PRIMA1: variants seen among roughly 807,000 people sequenced by gnomAD.
The protein encoded by PRIMA1 is proline rich membrane anchor 1, also known as proline-rich membrane anchor 1.
A neutral mutation model predicts 17.5 loss-of-function variants in PRIMA1; 7 were observed. The observed-to-expected ratio is 0.40, with a 90% CI of 0.23 to 0.75. The LOEUF is 0.75. Among genes scored for constraint, PRIMA1 ranks in the 30% least tolerant of loss-of-function variants. The probability of loss-of-function intolerance (pLI) is 0.37; values close to 1 mark genes in which losing one functional copy is unlikely to be tolerated. For missense variants in PRIMA1, 200 were observed against 201.8 expected (o/e 0.99, Z 0.05); for synonymous variants, 97 against 77.9 (o/e 1.25, Z -1.29).
In PRIMA1 at chr14:93,732,946, G is replaced by A. The variant is rs182661468; in HGVS notation, c.359+4295C>T. Among the ~76,000 whole-genome samples the A allele has an allele frequency of 5.8e-3, 890 of 152,306 alleles. 7 individuals carry two copies. The highest frequency in any genetic ancestry group is 0.028 in the Admixed American group (426 of 15,306). ...GTGCCCGTCAGGCCTAGGGGTGGGA[G>A]GACACCCAGGTGCCAGGCACGGGGG... On this transcript the variant is annotated intron_variant, in intron 4 of 4. Transcript: ENST00000393140.
chr14:93,759,516 T>C (rs2076313607), intron 3 of PRIMA1, among the ~76,000 whole-genome samples: 1 of 152,002 alleles, frequency 6.6e-6, no homozygotes, highest in Non-Finnish European at 1.5e-5. Context: ...TGCATGTGTG[T>C]GTGCGTGTGT....
At chr14:93,757,164 T>A (rs1157574778) in intron 3 of PRIMA1, among the ~76,000 whole-genome samples, 1 of 150,946 alleles carries the variant, frequency 6.6e-6, no homozygotes, top group East Asian at 1.9e-4. Flanking sequence ...CACTTCCAAG[T>A]GGGGATGGAG....
chr14:93,785,916 A>T (rs573509737), intron 2 of PRIMA1, among the ~76,000 whole-genome samples: 1 of 151,806 alleles, frequency 6.6e-6, no homozygotes, highest in South Asian at 2.1e-4. Context: ...ACACACACAC[A>T]CACCCCTGCT....
rs115188033 is a variant in PRIMA1, at chr14:93,742,211, G to A, written c.230-4841C>T. 8.3e-3 allele frequency among the ~76,000 whole-genome samples: 1,267 copies of A among 152,274 alleles called. 8 individuals carry two copies. The highest frequency in any genetic ancestry group is 0.022 in the South Asian group (108 of 4,808). ...CAAAGACACTGATTTCCCAAGAGACGATGAAACAAATGAGGTGAGTCCTAC... is the reference window on the plus strand; with the variant it reads ...CAAAGACACTGATTTCCCAAGAGACAATGAAACAAATGAGGTGAGTCCTAC... On this transcript the variant is annotated intron_variant, in intron 3 of 4. Coordinates refer to ENST00000393140, the MANE Select transcript of PRIMA1 (RefSeq NM_178013.4).
At chr14:93,753,364 A>T (rs2076272207) in intron 3 of PRIMA1, among the ~76,000 whole-genome samples, 1 of 152,210 alleles carries the variant, frequency 6.6e-6, no homozygotes, top group South Asian at 2.1e-4. Context: ...CCAAGTCCAG[A>T]GACAATGGGC....
Position 93,765,510 on chromosome 14 carries a change from G to A in PRIMA1, c.229+13666C>T, listed in dbSNP as rs1367312708. ...TGGCCACCCTGTACTGGACACTATTGTAAGCACTGAACATATTATTCCTTT... is the reference window on the plus strand; with the variant it reads ...TGGCCACCCTGTACTGGACACTATTATAAGCACTGAACATATTATTCCTTT... On this transcript the variant is annotated intron_variant, in intron 3 of 4. Transcript: ENST00000393140. Among the ~76,000 whole-genome samples, 4 of 150,618 alleles carry A rather than the reference G, an allele frequency of 2.7e-5. No homozygotes were observed. The East Asian group carries it at 7.8e-4, about 29-fold the overall frequency.
Position 93,721,346 on chromosome 14 carries a change from C to T in PRIMA1, c.*98G>A, listed in dbSNP as rs2076036405. The stretch of plus-strand genomic sequence containing the variant: ...TCAGGGCCTGTGAGGCAATGAAGTC[C>T]TGGACAAGCTCAGGGTTAGCTCATG... On this transcript the variant is annotated 3_prime_UTR_variant, in exon 5 of 5. Coordinates refer to ENST00000393140, the MANE Select transcript of PRIMA1 (RefSeq NM_178013.4). The T allele has an allele frequency of 1.3e-6, 1 of 747,692 alleles. No homozygotes were observed. The highest frequency in any genetic ancestry group is 2.3e-6 in the Non-Finnish European group (1 of 438,484). The allele number at this position is 747,692 out of a possible 1,614,324, so 46.3% of individuals were successfully genotyped here. A position where few individuals can be genotyped will look rare whatever the true frequency, so the allele number is the denominator to read the frequency against.
At chr14:93,768,761 T>C (rs1398596010) in intron 3 of PRIMA1, among the ~76,000 whole-genome samples, 1 of 152,112 alleles carries the variant, frequency 6.6e-6, no homozygotes, top group Admixed American at 6.5e-5. Flanking sequence ...TTTTACTGCA[T>C]TGGGAGAGGA....
At chr14:93,767,905 G>A (rs1402927368) in intron 3 of PRIMA1, among the ~76,000 whole-genome samples, 1 of 152,190 alleles carries the variant, frequency 6.6e-6, no homozygotes, top group Non-Finnish European at 1.5e-5. Context: ...ATCCATGGAG[G>A]CAGGCGGAAG....
chr14:93,728,748 A>G (rs1042641579), intron 4 of PRIMA1, among the ~76,000 whole-genome samples: 2 of 152,110 alleles, frequency 1.3e-5, no homozygotes, highest in African/African-American at 4.8e-5. Context: ...CCCAGAGCAC[A>G]CACACCCTCA....
chr14:93,747,809 G>C (rs2076230677), intron 3 of PRIMA1, among the ~76,000 whole-genome samples: 2 of 149,250 alleles, frequency 1.3e-5, no homozygotes, highest in African/African-American at 5.0e-5. Flanking sequence ...AGGGGACTGA[G>C]TGTGTGGGAG....
chr14:93,774,467 C>G lies in PRIMA1; in HGVS notation c.229+4709G>C, dbSNP rs138585822. On this transcript the variant is annotated intron_variant, in intron 3 of 4. Coordinates refer to ENST00000393140, the MANE Select transcript of PRIMA1 (RefSeq NM_178013.4). ...GCACGAATAGGTGTTTCTCTCTCCC[C>G]TCTTTCTCCCTTTATGCCAGACACA... Among the ~76,000 whole-genome samples, 724 of 152,346 alleles carry G rather than the reference C, an allele frequency of 4.8e-3. 7 individuals are homozygous for G. Among genetic ancestry groups the G allele is most frequent in the African/African-American group, 0.016 (669 of 41,572 alleles).
chr14:93,734,813 TTC>T (rs2076139337), intron 4 of PRIMA1, among the ~76,000 whole-genome samples: 2 of 133,040 alleles, frequency 1.5e-5, no homozygotes, highest in Admixed American at 7.9e-5. Context: ...CTGGGATGAG[TTC>T]TGTTTTTTCC....
intron 3 of PRIMA1, among the ~76,000 whole-genome samples, chr14:93,745,464 G>C (rs907663771): frequency 6.6e-6 from 1 of 152,206 alleles, no homozygotes; most frequent in Non-Finnish European, 1.5e-5. Flanking sequence ...ACTGCTTTGT[G>C]TGTGCAGCGC....
chr14:93,778,454 A>G (rs1211588567), intron 3 of PRIMA1, among the ~76,000 whole-genome samples: 1 of 152,222 alleles, frequency 6.6e-6, no homozygotes, highest in African/African-American at 2.4e-5. Flanking sequence ...TACATCCCAA[A>G]TAATTCCATG....
intron 3 of PRIMA1, among the ~76,000 whole-genome samples, chr14:93,748,812 A>C (rs928884356): frequency 1.3e-5 from 2 of 151,996 alleles, no homozygotes; most frequent in Non-Finnish European, 2.9e-5. Context: ...ATTAAAAAAA[A>C]CCCCAATACA....
chr14:93,774,825 AG>A (rs1215771493), intron 3 of PRIMA1, among the ~76,000 whole-genome samples: 1 of 152,238 alleles, frequency 6.6e-6, no homozygotes, highest in Non-Finnish European at 1.5e-5. Context: ...AGTTTTCAAA[AG>A]TACTTCTCAC....
intron 3 of PRIMA1, among the ~76,000 whole-genome samples, chr14:93,743,849 C>G (rs2076199294): frequency 6.6e-6 from 1 of 152,210 alleles, no homozygotes; most frequent in South Asian, 2.1e-4. Flanking sequence ...CTTGAGGAAA[C>G]TGTCCAGAAT....
At position 93,720,316 on chromosome 14, in the gene PRIMA1, C is replaced by A. The variant is rs2076029201; in HGVS notation, c.*1128G>T. 6.6e-6 allele frequency: 1 copy of A among 152,304 alleles called. No individual in the cohort carries two copies. Among genetic ancestry groups the A allele is most frequent in the Non-Finnish European group, 1.5e-5 (1 of 68,078 alleles). 9.4% of individuals were successfully genotyped at this position (152,304 alleles called of 1,614,324 possible). A position where few individuals can be genotyped will look rare whatever the true frequency, so the allele number is the denominator to read the frequency against. The stretch of plus-strand genomic sequence containing the variant: ...GGACCCCTCTCCTCCTGTCCCATTT[C>A]ATCCCTTGATCCTCCAACCACGCTG... On this transcript the variant is annotated 3_prime_UTR_variant, in exon 5 of 5. Transcript: ENST00000393140.
Sources: allele counts gnomAD v4.1 joint callset (sites outside exome capture counted in the v4.1 genomes callset), GRCh38; gene constraint gnomAD v4.1.1; transcripts MANE v1.5; gene names NCBI Gene and HGNC (gene_info 2026-07-23, HGNC 2026-07-21).